The following SLC4A8 variants were observed in gnomAD, a reference collection of about 807,000 sequenced individuals.
SLC4A8 encodes the protein solute carrier family 4 member 8.
In SLC4A8, 40 loss-of-function variants were observed where a neutral mutation model predicts 125.0. The observed-to-expected ratio is 0.32, with a 90% CI of 0.25 to 0.42. SLC4A8 has a LOEUF of 0.42. SLC4A8 is among the 10% of genes least tolerant of loss of function. SLC4A8 has a pLI of 1.00. For synonymous variants in SLC4A8, 456 were observed against 476.0 expected, an observed-to-expected ratio of 0.96 and a Z score of 0.55; for missense variants, 863 against 1,355.1, an observed-to-expected ratio of 0.64 and a Z score of 5.70.
intron 7 of SLC4A8, 112 bp downstream of exon 7, chr12:51,458,762 A>C (rs369089938): frequency 2.3e-5 from 17 of 726,294 alleles, no homozygotes; most frequent in East Asian, 1.6e-4. Flanking sequence ...CTCTTTCCCT[A>C]AGACTAGAGC....
At chr12:51,477,788 C>T (rs76697921) in intron 16 of SLC4A8, among the ~76,000 whole-genome samples, 3,973 of 152,218 alleles carry the variant, frequency 0.026, 74 homozygotes, top group Non-Finnish European at 0.044. Flanking sequence ...GATTTGACTT[C>T]ACTGATTATC....
intron 1 of SLC4A8, among the ~76,000 whole-genome samples, chr12:51,396,925 ATTTTTT>A (rs753146267): frequency 9.4e-6 from 1 of 106,310 alleles, no homozygotes; most frequent in African/African-American, 3.7e-5. Flanking sequence ...GCCTTAGTTA[ATTTTTT>A]TTTTTTTTTT....
At chr12:51,470,335 C>G in intron 12 of SLC4A8, 57 bp from the exon 13 acceptor site, 1 of 1,554,152 alleles carries the variant, frequency 6.4e-7, no homozygotes, top group Admixed American at 1.8e-5. Flanking sequence ...GTAGCTAAGC[C>G]AACATTACTC....
upstream of SLC4A8, chr12:51,420,158 T>C (rs1390961560): frequency 6.6e-6 from 1 of 152,216 alleles, no homozygotes; most frequent in Non-Finnish European, 1.5e-5. Flanking sequence ...AATTAAGTCT[T>C]TCCTCAGATC....
chr12:51,414,951 G>A (rs1948657808), intron 1 of SLC4A8, among the ~76,000 whole-genome samples: 1 of 152,212 alleles, frequency 6.6e-6, no homozygotes, highest in African/African-American at 2.4e-5. Flanking sequence ...TTCTGTTAAT[G>A]TGATGTATAT....
At position 51,439,979 on chromosome 12, in the gene SLC4A8, G is replaced by T. The variant is rs549943552; in HGVS notation, c.49-729G>T. ...ACAGTTTCAGACTGCAGTTGAAATT[G>T]TAAGTCTTAAGTGAGGAAAACAAAG... On this transcript the variant is annotated intron_variant, in intron 1 of 24. Coordinates refer to ENST00000453097, the MANE Select transcript of SLC4A8 (RefSeq NM_001039960.3). 2.3e-4 allele frequency among the ~76,000 whole-genome samples: 35 copies of T among 152,320 alleles called. 1 individual carries two copies. In the South Asian group the frequency reaches 7.0e-3, roughly 31 times the overall value.
rs79367289 is a variant in SLC4A8 at position 51,428,043 on chromosome 12, C to T, written c.48+3008C>T. ...CCTCTCCTCCACTCTCTTTCTTGCACCTCCTCTGGCTTTCTGTTTCTTCAA... is the reference window on the plus strand; with the variant it reads ...CCTCTCCTCCACTCTCTTTCTTGCATCTCCTCTGGCTTTCTGTTTCTTCAA... On this transcript the variant is annotated intron_variant, in intron 1 of 24. Transcript: ENST00000453097. Among the ~76,000 whole-genome samples the T allele has an allele frequency of 8.4e-4, 128 of 152,290 alleles. 2 individuals are homozygous for T. In the East Asian group the frequency reaches 0.022, roughly 26 times the overall value.
intron 22 of SLC4A8, among the ~76,000 whole-genome samples, chr12:51,500,876 C>A (rs890893549): frequency 6.4e-5 from 9 of 141,642 alleles, no homozygotes; most frequent in Admixed American, 2.1e-4. Flanking sequence ...TTCTTTCTTT[C>A]TTTATTTTTA....
In SLC4A8 at chr12:51,475,226, A is replaced by G. The variant is rs2138329526; in HGVS notation, c.2172+20A>G. 1 of 1,611,780 alleles carries G rather than the reference A, an allele frequency of 6.2e-7. No homozygotes were observed. On this transcript the variant is annotated intron_variant, in intron 16 of 24. Transcript: ENST00000453097. ...ACCAGAGTAGGTAGCATGTTCATGC[A>G]TTTCTTTCACGTTAGAATCAAATAT...
At chr12:51,420,816 C>T (rs540273278), upstream of SLC4A8, among the ~76,000 whole-genome samples, 2 of 152,312 alleles carry the variant, frequency 1.3e-5, no homozygotes, top group South Asian at 4.1e-4. Context: ...GAAGCTCATG[C>T]ACTGTGGAAT....
chr12:51,398,722 C>T lies in SLC4A8; in HGVS notation c.-112+7234C>T, dbSNP rs530608774. ...GCTAAAAGCAAAACCTGTTATCTTC[C>T]CCTAAAAAAAGAGAAGTTTCTGTTT... On this transcript the variant is annotated intron_variant, in intron 1 of 24. Transcript: ENST00000358657. Among the ~76,000 whole-genome samples, 33 of 152,150 alleles carry T rather than the reference C, an allele frequency of 2.2e-4. 1 individual carries two copies. The highest frequency in any genetic ancestry group is 7.2e-4 in the African/African-American group (30 of 41,536).
rs534421732 is a variant in SLC4A8, at chr12:51,396,992, C to T, written c.-112+5504C>T. On this transcript the variant is annotated intron_variant, in intron 1 of 24. Coordinates refer to the SLC4A8 transcript ENST00000358657. Reference sequence around the variant, plus strand: ...TCGCCCAGGCTGGAATGCAGTCGCACGATCTCAGCTCACTGCAACCTCCAC... The same window carrying T: ...TCGCCCAGGCTGGAATGCAGTCGCATGATCTCAGCTCACTGCAACCTCCAC... Among the ~76,000 whole-genome samples the T allele has an allele frequency of 1.3e-3, 186 of 140,100 alleles. 1 individual carries two copies. Among genetic ancestry groups the T allele is most frequent in the Non-Finnish European group, 2.2e-3 (146 of 66,172 alleles). The allele number at this position is 140,100 out of a possible 152,430, so 91.9% of individuals were successfully genotyped here. A position where few individuals can be genotyped will look rare whatever the true frequency, so the allele number is the denominator to read the frequency against.
intron 1 of SLC4A8, among the ~76,000 whole-genome samples, chr12:51,405,741 A>G (rs1392534828): frequency 2.0e-5 from 3 of 152,220 alleles, no homozygotes; most frequent in Non-Finnish European, 4.4e-5. Flanking sequence ...AATGAAATGT[A>G]CCAGGTCAAA....
At chr12:51,494,372 T>C (rs1951404135) in intron 20 of SLC4A8, 1 of 152,392 alleles carries the variant, frequency 6.6e-6, no homozygotes, top group Non-Finnish European at 1.5e-5. Flanking sequence ...GGCTGATTAT[T>C]CTTTGTTTGA....
chr12:51,400,696 G>A (rs1410429001), intron 1 of SLC4A8, among the ~76,000 whole-genome samples: 2 of 117,936 alleles, frequency 1.7e-5, no homozygotes, highest in African/African-American at 6.6e-5. Flanking sequence ...TTTTTCCAAC[G>A]GTACTTGAGA....
intron 11 of SLC4A8, among the ~76,000 whole-genome samples, chr12:51,466,122 A>G (rs1288382574): frequency 2.0e-5 from 3 of 152,210 alleles, no homozygotes; most frequent in Admixed American, 6.5e-5. Context: ...GACAAAATTG[A>G]AATGGTACTC....
intron 16 of SLC4A8, among the ~76,000 whole-genome samples, chr12:51,482,012 A>C (rs1217196254): frequency 6.6e-6 from 1 of 152,184 alleles, no homozygotes; most frequent in Non-Finnish European, 1.5e-5. Context: ...ATATAAGATG[A>C]CCTGCACAGT....
chr12:51,439,219 G>C (rs1157612872), intron 1 of SLC4A8, among the ~76,000 whole-genome samples: 2 of 152,110 alleles, frequency 1.3e-5, no homozygotes, highest in Non-Finnish European at 2.9e-5. Flanking sequence ...ACCACACCCA[G>C]ATAATTTTTT....
intron 13 of SLC4A8, 45 bp from the exon 14 acceptor site, chr12:51,471,242 A>G: frequency 6.3e-7 from 1 of 1,582,156 alleles, no homozygotes; most frequent in Non-Finnish European, 8.6e-7. Context: ...TTGTCTCTTA[A>G]TGCCATCCAT....
Sources: gnomAD v4.1 joint callset for allele counts (sites outside exome capture counted in the v4.1 genomes callset) on GRCh38, gnomAD v4.1.1 for gene constraint, MANE v1.5 for transcripts, NCBI Gene and HGNC (gene_info 2026-07-23, HGNC 2026-07-21) for gene names.